Variants in CSTA observed in about 807,000 individuals in gnomAD.
The protein encoded by CSTA is cystatin-A.
Under a neutral mutation model 9.2 loss-of-function variants are expected in CSTA, and 9 were observed. That is an observed-to-expected ratio of 0.97 (90% confidence interval 0.59 to 1.70). The LOEUF (loss-of-function observed/expected upper bound fraction) is 1.70. Ranked by LOEUF, CSTA falls within the 40% of genes most tolerant of loss-of-function variation. CSTA has a pLI of 0.00. For synonymous variants in CSTA, 36 were observed against 40.6 expected, an observed-to-expected ratio of 0.89 and a Z score of 0.43; for missense variants, 118 against 113.1, an observed-to-expected ratio of 1.04 and a Z score of -0.20.
At position 122,337,580 on chromosome 3, in the gene CSTA, A is replaced by G; in HGVS notation, c.100A>G (p.Thr34Ala). The G allele has an allele frequency of 5.6e-6, 9 of 1,613,180 alleles. No individual in the cohort carries two copies. Among genetic ancestry groups the G allele is most frequent in the Non-Finnish European group, 7.6e-6 (9 of 1,179,200 alleles). ...ACAGCTTGAAGAAAAAACAAATGAG[A>G]CTTACGGAAAATTGGAAGCTGTGCA... ...KPQLEEKTNE[T>A]YGKLEAVQYK... Residue 34 changes from threonine to alanine, a missense_variant, in exon 2 of 3, where the codon ACT (threonine) becomes GCT (alanine). Coordinates refer to ENST00000264474, the MANE Select transcript of CSTA (RefSeq NM_005213.4).
chr3:122,327,528 CAAAAAAAAAA>C (rs59568582), intron 1 of CSTA, among the ~76,000 whole-genome samples: 1 of 44,106 alleles, frequency 2.3e-5, no homozygotes, highest in African/African-American at 9.6e-5. Context: ...GACTCCGTCT[CAAAAAAAAAA>C]AAAAAAAAAA....
chr3:122,336,890 A>G (rs2075239657), intron 1 of CSTA, among the ~76,000 whole-genome samples: 1 of 152,224 alleles, frequency 6.6e-6, no homozygotes, highest in Non-Finnish European at 1.5e-5. Context: ...ACATTCTACC[A>G]TTTAACAGGC....
At chr3:122,333,590 A>G (rs184660147) in intron 1 of CSTA, among the ~76,000 whole-genome samples, 4 of 141,032 alleles carry the variant, frequency 2.8e-5, no homozygotes, top group Non-Finnish European at 3.2e-5. Flanking sequence ...AAAGAAAGAA[A>G]GAAGAAAGAG....
In CSTA at chr3:122,341,153, G is replaced by A. The variant is rs575829963; in HGVS notation, c.169-286G>A. On this transcript the variant is annotated intron_variant, in intron 2 of 2. Coordinates refer to ENST00000264474, the MANE Select transcript of CSTA (RefSeq NM_005213.4). The stretch of plus-strand genomic sequence containing the variant: ...AGACGGGATTTCACCATGCTGGCCA[G>A]GCTTGTCTTGAACTCCTGACCTCGT... 1.7e-4 allele frequency among the ~76,000 whole-genome samples: 26 copies of A among 152,172 alleles called. No homozygotes were observed. In the East Asian group the frequency reaches 2.5e-3, roughly 15 times the overall value.
At position 122,335,958 on chromosome 3, in the gene CSTA, TACACACACACAC is replaced by T. The variant is rs55707796; in HGVS notation, c.67-1562_67-1551del. The stretch of plus-strand genomic sequence containing the variant: ...TGGTATTTGATTTTAATCAGAGGAA[TACACACACACAC>T]ACACACACACACACACACACACACA... On this transcript the variant is annotated intron_variant, in intron 1 of 2. Transcript: ENST00000264474. Among the ~76,000 whole-genome samples, 289 of 147,596 alleles carry T rather than the reference TACACACACACAC, an allele frequency of 2.0e-3. 3 individuals are homozygous for T. Among genetic ancestry groups the T allele is most frequent in the Non-Finnish European group, 1.2e-3 (81 of 67,126 alleles).
At chr3:122,337,728 A>G (rs573647138) in intron 2 of CSTA, 80 bp downstream of exon 2, 5 of 966,714 alleles carry the variant, frequency 5.2e-6, no homozygotes, top group Non-Finnish European at 8.5e-6. Context: ...TCCCTACCAC[A>G]TAATTCCTTC....
intron 1 of CSTA, among the ~76,000 whole-genome samples, chr3:122,333,584 AAAGAAAG>A (rs1328405945): frequency 1.4e-5 from 2 of 144,786 alleles, no homozygotes; most frequent in African/African-American, 2.7e-5. Context: ...AGAAAGAAAG[AAAGAAAG>A]AAGAAAGAGA....
rs1159577323 is a variant in CSTA, at chr3:122,341,326, G to C, written c.169-113G>C. On this transcript the variant is annotated intron_variant, in intron 2 of 2. Coordinates refer to ENST00000264474, the MANE Select transcript of CSTA (RefSeq NM_005213.4). The stretch of plus-strand genomic sequence containing the variant: ...ATGGTGGACTAGGTCTAGCAATGCT[G>C]TTCCTCAGCAGCTTTTTGGACAGAA... 3.6e-6 allele frequency: 4 copies of C among 1,105,078 alleles called. No individual in the cohort carries two copies. The South Asian group carries it at 3.8e-5, about 10-fold the overall frequency. 68.5% of individuals were successfully genotyped at this position (1,105,078 alleles called of 1,614,324 possible).
chr3:122,337,842 G>A (rs2075244236), intron 2 of CSTA, 194 bp downstream of exon 2: 3 of 601,514 alleles, frequency 5.0e-6, no homozygotes, highest in Non-Finnish European at 9.1e-6. Flanking sequence ...TGTGAATTCA[G>A]AAAGTTTTAT....
chr3:122,333,965 A>C (rs533290524), intron 1 of CSTA, among the ~76,000 whole-genome samples: 2 of 152,324 alleles, frequency 1.3e-5, no homozygotes, highest in African/African-American at 4.8e-5. Flanking sequence ...GTTAGTGTAG[A>C]GATTAACTCT....
intron 1 of CSTA, among the ~76,000 whole-genome samples, chr3:122,329,965 A>C (rs2075194729): frequency 6.6e-6 from 1 of 152,214 alleles, no homozygotes; most frequent in Non-Finnish European, 1.5e-5. Context: ...TTTCCAATTC[A>C]GTGTTAGAAG....
chr3:122,338,310 T>C (rs1270575410), intron 2 of CSTA: 1 of 152,168 alleles, frequency 6.6e-6, no homozygotes, highest in African/African-American at 2.4e-5. Context: ...AAGTCAACCA[T>C]GAATATTTGA....
Position 122,341,427 on chromosome 3 carries a change from A to C in CSTA, c.169-12A>C, listed in dbSNP as rs6762112. On this transcript the variant is annotated splice_polypyrimidine_tract_variant and intron_variant, in intron 2 of 2. Transcript: ENST00000264474. ...ATCTCCTTTTGCTTTCTCTTTCTTT[A>C]ATATTTTTCAGGTACGAGCAGGTGA... 0.052 allele frequency: 84,069 copies of C among 1,613,030 alleles called. 3,096 individuals are homozygous for C. Among genetic ancestry groups the C allele is most frequent in the African/African-American group, 0.18 (13,340 of 74,902 alleles).
At chr3:122,337,148 A>T (rs924285829) in intron 1 of CSTA, among the ~76,000 whole-genome samples, 1 of 152,218 alleles carries the variant, frequency 6.6e-6, no homozygotes, top group Non-Finnish European at 1.5e-5. Flanking sequence ...AAATTAAGGG[A>T]ACTGTAAATG....
intron 1 of CSTA, among the ~76,000 whole-genome samples, chr3:122,330,910 A>G (rs1461731569): frequency 6.6e-6 from 1 of 152,200 alleles, no homozygotes; most frequent in East Asian, 1.9e-4. Flanking sequence ...CAATCTGTAT[A>G]ACGAAGAACC....
At chr3:122,329,355 C>T (rs909666436) in intron 1 of CSTA, among the ~76,000 whole-genome samples, 5 of 152,098 alleles carry the variant, frequency 3.3e-5, no homozygotes, top group African/African-American at 9.7e-5. Flanking sequence ...GGGCAGATTG[C>T]TTGATCTGGG....
chr3:122,335,302 G>A (rs2075230176), intron 1 of CSTA, among the ~76,000 whole-genome samples: 2 of 152,140 alleles, frequency 1.3e-5, no homozygotes, highest in South Asian at 4.1e-4. Context: ...CAGCAAAAGA[G>A]ACTTTGCAGG....
At chr3:122,331,734 C>A (rs1457567052) in intron 1 of CSTA, among the ~76,000 whole-genome samples, 1 of 152,188 alleles carries the variant, frequency 6.6e-6, no homozygotes, top group African/African-American at 2.4e-5. Flanking sequence ...ATTTGTTGGT[C>A]TTTTTCTAGA....
intron 1 of CSTA, among the ~76,000 whole-genome samples, chr3:122,334,798 A>T (rs949454862): frequency 1.3e-5 from 2 of 152,256 alleles, no homozygotes; most frequent in African/African-American, 2.4e-5. Context: ...GAAAATGCTG[A>T]GCAGTCTAAA....
Sources: gnomAD v4.1 joint callset for allele counts (sites outside exome capture counted in the v4.1 genomes callset) on GRCh38, gnomAD v4.1.1 for gene constraint, MANE v1.5 for transcripts, NCBI Gene and HGNC (gene_info 2026-07-23, HGNC 2026-07-21) for gene names.